The following DOCK9 variants were observed in gnomAD, a reference collection of about 807,000 sequenced individuals.
DOCK9 encodes dedicator of cytokinesis protein 9.
In DOCK9, 89 loss-of-function variants were observed where a neutral mutation model predicts 263.3. The ratio of observed to expected loss-of-function variants is 0.34; its 90% confidence interval spans 0.28 to 0.40. The LOEUF is 0.40. Among genes scored for constraint, DOCK9 ranks in the 10% least tolerant of loss-of-function variants. The pLI is 1.00. For synonymous variants in DOCK9, 976 were observed against 973.1 expected (o/e 1.00, Z -0.06); for missense variants, 2,140 against 2,603.4 (o/e 0.82, Z 3.87).
chr13:98,824,583 G>T, intron 44 of DOCK9, 79 bp from the exon 45 acceptor site: 1 of 1,251,190 alleles, frequency 8.0e-7, no homozygotes, highest in Non-Finnish European at 1.2e-6. Context: ...CCTGCCCTGT[G>T]TGTTTCTGTG....
chr13:98,939,253 G>A (rs1246313170), intron 2 of DOCK9, among the ~76,000 whole-genome samples: 5 of 152,214 alleles, frequency 3.3e-5, no homozygotes, highest in Non-Finnish European at 5.9e-5. Context: ...GGTACCTGGG[G>A]TCCTGCCTCT....
intron 1 of DOCK9, chr13:99,015,408 C>T (rs780942654): frequency 6.7e-7 from 1 of 1,501,154 alleles, no homozygotes; most frequent in Non-Finnish European, 9.0e-7. Flanking sequence ...TATTCTAACA[C>T]CATTAAACTA....
chr13:98,930,343 G>T, intron 2 of DOCK9, 86 bp from the exon 3 acceptor site: 1 of 1,154,294 alleles, frequency 8.7e-7, no homozygotes, highest in Non-Finnish European at 1.3e-6. Flanking sequence ...CCCTGCAGCT[G>T]GCCCTGGCAG....
intron 1 of DOCK9, among the ~76,000 whole-genome samples, chr13:98,983,463 G>A (rs532823034): frequency 6.6e-6 from 1 of 152,240 alleles, no homozygotes; most frequent in African/African-American, 2.4e-5. Context: ...CGAGGGAGGA[G>A]AGAAAGCTAC....
At chr13:98,817,593 T>TATGATTCG (rs1374262428) in intron 45 of DOCK9, among the ~76,000 whole-genome samples, 3 of 151,588 alleles carry the variant, frequency 2.0e-5, no homozygotes, top group Non-Finnish European at 4.4e-5. Context: ...ACATCTAGCC[T>TATGATTCG]AAACTATGAT....
intron 3 of DOCK9, among the ~76,000 whole-genome samples, chr13:98,928,424 T>C (rs1251431827): frequency 6.6e-6 from 1 of 152,170 alleles, no homozygotes; most frequent in Admixed American, 6.5e-5. Flanking sequence ...AGTGGAAGGG[T>C]CCCAAAAGTG....
intron 1 of DOCK9, among the ~76,000 whole-genome samples, chr13:98,995,549 C>T (rs888687514): frequency 4.3e-5 from 6 of 141,040 alleles, no homozygotes; most frequent in African/African-American, 7.9e-5. Flanking sequence ...AGTACAGTGG[C>T]GCGATCTCGG....
intron 39 of DOCK9, chr13:98,831,988 A>ACG: frequency 1.7e-6 from 1 of 602,848 alleles, no homozygotes; most frequent in Non-Finnish European, 2.8e-6. Flanking sequence ...TTTGGGGATG[A>ACG]ACCTCCCAGC....
At chr13:98,828,062 G>A (rs1430934845) in intron 43 of DOCK9, among the ~76,000 whole-genome samples, 3 of 152,160 alleles carry the variant, frequency 2.0e-5, no homozygotes, top group African/African-American at 4.8e-5. Flanking sequence ...GATGCTATGC[G>A]ACCACGGAGG....
chr13:98,856,869 G>C lies in DOCK9; in HGVS notation c.3698-838C>G, dbSNP rs2093719069. ...CAGCCTAGGGATGCCACGAAATAAA[G>C]TGACACTAAGGGTGCTGTGAACGGG... is the stretch of plus-strand genomic sequence containing the variant. On this transcript the variant is annotated intron_variant, in intron 33 of 52. Transcript: ENST00000682017. The C allele has an allele frequency of 3.9e-5, 6 of 152,294 alleles. No homozygotes were observed. In the South Asian group the frequency reaches 1.2e-3, roughly 32 times the overall value. 9.4% of individuals were successfully genotyped at this position (152,294 alleles called of 1,614,324 possible). A position where few individuals can be genotyped will look rare whatever the true frequency, so the allele number is the denominator to read the frequency against.
At chr13:99,038,288 CTTTTTTTTTTTTT>C (rs71419743) in intron 1 of DOCK9, among the ~76,000 whole-genome samples, 16 of 86,262 alleles carry the variant, frequency 1.9e-4, no homozygotes, top group East Asian at 3.7e-4. Context: ...TTATGCCCCC[CTTTTTTTTTTTTT>C]TTTTTTTTTT....
At chr13:99,061,569 A>G (rs2041192299) in intron 1 of DOCK9, among the ~76,000 whole-genome samples, 1 of 152,184 alleles carries the variant, frequency 6.6e-6, no homozygotes, top group South Asian at 2.1e-4. Context: ...TGGGGAAGCC[A>G]GCGTCAAAGG....
chr13:98,933,374 G>GA lies in DOCK9; in HGVS notation c.244-3118dup, dbSNP rs1444259412. ...CAAAGTCCCATTATGTTCTCACTTG[G>GA]AAAAAAAAAAAGTAACTTTAAATTA... On this transcript the variant is annotated intron_variant, in intron 2 of 52. Transcript: ENST00000682017. Among the ~76,000 whole-genome samples the GA allele has an allele frequency of 5.1e-3, 726 of 142,764 alleles. 5 individuals carry two copies. Among genetic ancestry groups the GA allele is most frequent in the African/African-American group, 0.015 (601 of 38,918 alleles). The allele number at this position is 142,764 out of a possible 152,430, so 93.7% of individuals were successfully genotyped here. A position where few individuals can be genotyped will look rare whatever the true frequency, so the allele number is the denominator to read the frequency against.
chr13:98,805,885 C>A (rs1274585261), intron 48 of DOCK9, among the ~76,000 whole-genome samples: 1 of 152,182 alleles, frequency 6.6e-6, no homozygotes, highest in African/African-American at 2.4e-5. Context: ...CTCAGCCTCC[C>A]AAGTAGCTGT....
intron 1 of DOCK9, chr13:98,959,648 T>C (rs754237214): frequency 6.6e-6 from 1 of 151,988 alleles, no homozygotes; most frequent in Non-Finnish European, 1.5e-5. Context: ...CAGAGGAGAA[T>C]GGGTGGAGAA....
intron 10 of DOCK9, among the ~76,000 whole-genome samples, chr13:98,904,202 C>A (rs144535826): frequency 6.6e-6 from 1 of 152,126 alleles, no homozygotes; most frequent in South Asian, 2.1e-4. Flanking sequence ...AACACACATA[C>A]GTATGGTTAT....
intron 35 of DOCK9, among the ~76,000 whole-genome samples, chr13:98,850,577 C>T (rs529731966): frequency 1.3e-5 from 2 of 152,310 alleles, no homozygotes; most frequent in East Asian, 3.9e-4. Flanking sequence ...GGATCTATCT[C>T]AAGTTTTCCC....
chr13:98,795,191 A>G (rs2089210111), intron 52 of DOCK9, among the ~76,000 whole-genome samples: 1 of 152,240 alleles, frequency 6.6e-6, no homozygotes, highest in African/African-American at 2.4e-5. Context: ...GTCTACTTAC[A>G]TGTGCTTGAC....
intron 1 of DOCK9, among the ~76,000 whole-genome samples, chr13:98,986,636 C>T (rs1288266020): frequency 1.3e-5 from 2 of 152,098 alleles, no homozygotes; most frequent in Non-Finnish European, 2.9e-5. Context: ...ATGATGTATC[C>T]CTTTCTCATC....
Sources: allele counts gnomAD v4.1 joint callset (sites outside exome capture counted in the v4.1 genomes callset), GRCh38; gene constraint gnomAD v4.1.1; transcripts MANE v1.5; gene names NCBI Gene and HGNC (gene_info 2026-07-23, HGNC 2026-07-21).